The following PRKCSH variants were observed in gnomAD, a reference collection of about 807,000 sequenced individuals.
PRKCSH encodes the protein glucosidase 2 subunit beta.
A neutral mutation model predicts 79.7 loss-of-function variants in PRKCSH; 42 were observed. The ratio of observed to expected loss-of-function variants is 0.53; its 90% CI spans 0.41 to 0.68. The LOEUF (loss-of-function observed/expected upper bound fraction) is 0.68. Ranked by LOEUF, PRKCSH falls within the 30% of genes least tolerant of loss-of-function variation. The probability of loss-of-function intolerance (pLI) is 0.00; values close to 1 mark genes in which losing one functional copy is unlikely to be tolerated. For synonymous variants in PRKCSH, 325 were observed against 288.2 expected, an observed-to-expected ratio of 1.13 and a Z score of -1.29; for missense variants, 686 against 709.0, an observed-to-expected ratio of 0.97 and a Z score of 0.37.
At position 11,447,573 on chromosome 19, in the gene PRKCSH, A is replaced by G. The variant is rs776492240; in HGVS notation, c.984A>G (p.Glu328=). The part of the protein sequence containing the change: ...EEEEEEEEAE[E]EEEEEDSEVQ... Reference sequence around the variant, plus strand: ...AGGAGGAGGAAGAAGAGGCTGAAGAAGAGGAGGAGGAGGAGGATTCCGAGG... The same window carrying G: ...AGGAGGAGGAAGAAGAGGCTGAAGAGGAGGAGGAGGAGGAGGATTCCGAGG... The change falls in exon 11 of 18, where the codon GAA becomes GAG. Residue 328 remains glutamate, a synonymous_variant. Transcript: ENST00000677123. This position sits in a 1 kb window ranked among gnomAD's most constrained non-coding sequence, Gnocchi z 5.6. 44 of 1,570,624 alleles carry G rather than the reference A, an allele frequency of 2.8e-5. No homozygotes were observed. In the Middle Eastern group the frequency reaches 1.0e-3, roughly 36 times the overall value.
rs1199282857 is a variant in PRKCSH at position 11,449,346 on chromosome 19, G to T, written c.1542G>T (p.Met514Ile). 6.2e-7 allele frequency: 1 copy of T among 1,613,470 alleles called. No individual in the cohort carries two copies. Among genetic ancestry groups the T allele is most frequent in the Admixed American group, 1.7e-5 (1 of 60,018 alleles). ...PSRCEYLMEL[M>I]TPAACPEPPP... The stretch of plus-strand genomic sequence containing the variant: ...GCTGCGAGTACCTCATGGAGCTGAT[G>T]ACGCCAGCCGCCTGCCCGGAGCCAC... The change falls in exon 17 of 18, where the codon ATG becomes ATT. Residue 514 changes from methionine (M) to isoleucine (I), a missense_variant. Physicochemically the swap from Met to Ile is conservative, Grantham distance 10. Transcript: ENST00000677123. This position sits in a 1 kb window ranked among gnomAD's most constrained non-coding sequence, Gnocchi z 6.4.
chr19:11,448,691 G>A lies in PRKCSH; in HGVS notation c.1286+62G>A. On this transcript the variant is annotated intron_variant, in intron 14 of 17. Transcript: ENST00000677123. This position sits in a 1 kb window ranked among gnomAD's most constrained non-coding sequence, Gnocchi z 4.4. ...GTGGGAGGCGGGTGGCCCCGGAAGTGGCACCGGCAGTTTCCTGATGGTTGG... is the reference window on the plus strand; with the variant it reads ...GTGGGAGGCGGGTGGCCCCGGAAGTAGCACCGGCAGTTTCCTGATGGTTGG... The A allele has an allele frequency of 2.7e-6, 4 of 1,507,586 alleles. No homozygotes were observed. The highest frequency in any genetic ancestry group is 3.7e-6 in the Non-Finnish European group (4 of 1,084,186). 93.4% of individuals were successfully genotyped at this position (1,507,586 alleles called of 1,614,324 possible). A position where few individuals can be genotyped will look rare whatever the true frequency, so the allele number is the denominator to read the frequency against.
Position 11,449,272 on chromosome 19 carries a change from C to G in PRKCSH, c.1468C>G (p.Leu490Val). ...QGPNRSTTVR[L>V]LCGKETMVTS... ...CCCGTCTGCCCATCCCCAGGTGCGC[C>G]TCCTGTGCGGGAAAGAGACCATGGT... Residue 490 changes from leucine to valine, a missense_variant, in exon 17 of 18, where the codon CTC (leucine) becomes GTC (valine). Physicochemically the swap from Leu to Val is conservative, Grantham distance 32. Around this residue, in one of 2 missense-constraint regions of PRKCSH, gnomAD observed 137 missense variants for 188.8 expected, o/e 0.73. Transcript: ENST00000677123. This position sits in a 1 kb window ranked among gnomAD's most constrained non-coding sequence, Gnocchi z 6.4. 6.2e-7 allele frequency: 1 copy of G among 1,613,752 alleles called. No homozygotes were observed. The highest frequency in any genetic ancestry group is 8.5e-7 in the Non-Finnish European group (1 of 1,179,956).
chr19:11,445,939 G>T, intron 8 of PRKCSH: 1 of 509,424 alleles, frequency 2.0e-6, no homozygotes, highest in Non-Finnish European at 3.6e-6. Context: ...GGGTGGGGGT[G>T]GGCTTTGCTG....
chr19:11,440,105 A>G (rs1969988572), intron 5 of PRKCSH, among the ~76,000 whole-genome samples: 1 of 151,814 alleles, frequency 6.6e-6, no homozygotes, highest in Non-Finnish European at 1.5e-5. Context: ...AACTCTCTGG[A>G]TTCCACATCT....
chr19:11,441,197 C>G, intron 5 of PRKCSH, 43 bp from the exon 6 acceptor site: 1 of 1,596,248 alleles, frequency 6.3e-7, no homozygotes, highest in Non-Finnish European at 8.6e-7. Context: ...CTGGTGGATC[C>G]TAAGTGCCCC....
At chr19:11,436,814 G>A (rs1969773341) in intron 3 of PRKCSH, 11 of 399,314 alleles carry the variant, frequency 2.8e-5, no homozygotes, top group South Asian at 2.3e-4. Flanking sequence ...GGGGCCAAGA[G>A]CAATCCAGCA....
intron 8 of PRKCSH, chr19:11,445,790 G>T (rs1970268885): frequency 2.1e-6 from 1 of 485,574 alleles, no homozygotes; most frequent in Non-Finnish European, 3.8e-6. Context: ...CCAGACCTGG[G>T]TTCGAATCCT....
At chr19:11,440,250 C>CAG (rs1969997756) in intron 5 of PRKCSH, among the ~76,000 whole-genome samples, 1 of 151,080 alleles carries the variant, frequency 6.6e-6, no homozygotes, top group Non-Finnish European at 1.5e-5. Context: ...CGAGTTCATG[C>CAG]CATTCTCCTG....
chr19:11,448,791 A>G lies in PRKCSH; in HGVS notation c.1287-123A>G, dbSNP rs1208721957. The stretch of plus-strand genomic sequence containing the variant: ...GGAGCAGAAGCCAGGGGCCAGGTTT[A>G]GGGTTGGTCATTGGAGTTGGAGGTA... On this transcript the variant is annotated intron_variant, in intron 14 of 17. Transcript: ENST00000677123. The surrounding 1 kb of genome is among the most constrained non-coding windows in gnomAD (Gnocchi z 4.4). 7.2e-7 allele frequency: 1 copy of G among 1,382,280 alleles called. No individual in the cohort carries two copies. Among genetic ancestry groups the G allele is most frequent in the Admixed American group, 1.7e-5 (1 of 58,860 alleles). The allele number at this position is 1,382,280 out of a possible 1,614,324, so 85.6% of individuals were successfully genotyped here. A position where few individuals can be genotyped will look rare whatever the true frequency, so the allele number is the denominator to read the frequency against.
chr19:11,447,618 G>T lies in PRKCSH; in HGVS notation c.1029G>T (p.Lys343Asn), dbSNP rs1270491793. 6.3e-7 allele frequency: 1 copy of T among 1,584,492 alleles called. No homozygotes were observed. Among genetic ancestry groups the T allele is most frequent in the African/African-American group, 1.3e-5 (1 of 74,418 alleles). ...CCGAGGTGCAGGGGGAGCAGCCCAA[G>T]GTCCGTGTTTGGGGGAGAAGTGGAG... ...EDSEVQGEQPKEAPPPLSPPQ... is the reference protein window; with the variant it reads ...EDSEVQGEQPNEAPPPLSPPQ... Residue 343 changes from lysine to asparagine, a missense_variant and splice_region_variant, in exon 11 of 18, where the codon AAG becomes AAT. Lys to Asn is a moderately conservative substitution (Grantham distance 94). Transcript: ENST00000677123. The surrounding 1 kb of genome is among the most constrained non-coding windows in gnomAD (Gnocchi z 5.6).
rs373316162 is a variant in PRKCSH, at chr19:11,449,050, C to T, written c.1362-26C>T. The T allele has an allele frequency of 3.1e-6, 5 of 1,613,044 alleles. No individual in the cohort carries two copies. Among genetic ancestry groups the T allele is most frequent in the Non-Finnish European group, 4.2e-6 (5 of 1,179,892 alleles). On this transcript the variant is annotated intron_variant, in intron 15 of 17. Coordinates refer to ENST00000677123, the MANE Select transcript of PRKCSH (RefSeq NM_001289104.2). The surrounding 1 kb of genome is among the most constrained non-coding windows in gnomAD (Gnocchi z 6.4). Reference sequence around the variant, plus strand: ...TCCTGGTGCCCCGACACCGGCCCAGCCCTCAGCACCCTGTGTCTCTCACAG... The same window carrying T: ...TCCTGGTGCCCCGACACCGGCCCAGTCCTCAGCACCCTGTGTCTCTCACAG...
rs1359158948 is a variant in PRKCSH at position 11,438,069 on chromosome 19, T to C, written c.295T>C (p.Cys99Arg). ...CTTGGCTTCTGCCTCTGCCACAGAC[T>C]GCTGCGATGGAACAGACGAGTACAA... The part of the protein sequence containing the change: ...SNRVNDGVCD[C>R]CDGTDEYNSG... The change falls in exon 5 of 18, where the codon TGC becomes CGC. Residue 99 changes from cysteine (C) to arginine (R), a missense_variant and splice_region_variant. Physicochemically the swap from Cys to Arg is radical, Grantham distance 180 (BLOSUM62 -3). Around this residue, in one of 2 missense-constraint regions of PRKCSH, gnomAD observed 549 missense variants for 520.2 expected, o/e 1.06. Coordinates refer to ENST00000677123, the MANE Select transcript of PRKCSH (RefSeq NM_001289104.2). 1 of 1,614,152 alleles carries C rather than the reference T, an allele frequency of 6.2e-7. No homozygotes were observed. Among genetic ancestry groups the C allele is most frequent in the South Asian group, 1.1e-5 (1 of 91,080 alleles).
rs537326102 is a variant in PRKCSH at position 11,448,429 on chromosome 19, A to G, written c.1197-111A>G. The G allele has an allele frequency of 9.9e-5, 143 of 1,448,636 alleles. 1 individual carries two copies. In the East Asian group the frequency reaches 3.1e-3, roughly 32 times the overall value. The allele number at this position is 1,448,636 out of a possible 1,614,324, so 89.7% of individuals were successfully genotyped here. On this transcript the variant is annotated intron_variant, in intron 13 of 17. Coordinates refer to ENST00000677123, the MANE Select transcript of PRKCSH (RefSeq NM_001289104.2). The surrounding 1 kb of genome is among the most constrained non-coding windows in gnomAD (Gnocchi z 4.4). ...GCAGGGAGGGTCCCTGGGAGGTGGC[A>G]GGGAGGACAGCCTGGGCACCATTGC...
Position 11,447,198 on chromosome 19 carries a change from C to T in PRKCSH, c.849+38C>T. The T allele has an allele frequency of 1.3e-6, 2 of 1,591,828 alleles. No individual in the cohort carries two copies. The highest frequency in any genetic ancestry group is 2.7e-5 in the African/African-American group (2 of 74,530). ...GAAGGGAGGGGACTTGGTCCTCCCA[C>T]CACACTGCCCCCACCCCGCCTCACA... is the stretch of plus-strand genomic sequence containing the variant. On this transcript the variant is annotated intron_variant, in intron 10 of 17. Transcript: ENST00000677123. This position sits in a 1 kb window ranked among gnomAD's most constrained non-coding sequence, Gnocchi z 5.6.
intron 3 of PRKCSH, among the ~76,000 whole-genome samples, chr19:11,436,990 T>G (rs1193834120): frequency 6.6e-6 from 1 of 152,222 alleles, no homozygotes; most frequent in Non-Finnish European, 1.5e-5. Flanking sequence ...CCCAAAGTGC[T>G]GGGGTTACAG....
chr19:11,445,824 G>A (rs181920327), intron 8 of PRKCSH: 2 of 452,400 alleles, frequency 4.4e-6, no homozygotes, highest in East Asian at 8.9e-5. Context: ...AGCTTGCTGG[G>A]TTACCTGGTG....
intron 7 of PRKCSH, among the ~76,000 whole-genome samples, chr19:11,445,007 C>T (rs1249803749): frequency 6.6e-6 from 1 of 152,156 alleles, no homozygotes; most frequent in Non-Finnish European, 1.5e-5. Context: ...TTCCTCAGTC[C>T]CCAGCCTGGG....
In PRKCSH at chr19:11,439,127, G is replaced by A. The variant is rs141546989; in HGVS notation, c.350+1003G>A. The stretch of plus-strand genomic sequence containing the variant: ...TCACTATGTTGGCCAGGCTGGCCTC[G>A]AACGCCTGACCTCAGGTGATCTGCT... On this transcript the variant is annotated intron_variant, in intron 5 of 17. Transcript: ENST00000677123. Among the ~76,000 whole-genome samples the A allele has an allele frequency of 9.2e-3, 1,395 of 152,100 alleles. 22 individuals are homozygous for A. The highest frequency in any genetic ancestry group is 0.031 in the African/African-American group (1,304 of 41,510).
Sources: gnomAD v4.1 joint callset for allele counts (sites outside exome capture counted in the v4.1 genomes callset) on GRCh38, gnomAD v4.1.1 for gene constraint, gnomAD v4.1.1 regional missense constraint, Gnocchi (gnomAD v3.1) non-coding constraint, MANE v1.5 for transcripts, NCBI Gene and HGNC (gene_info 2026-07-23, HGNC 2026-07-21) for gene names.